HS6ST3: variants seen among roughly 807,000 people sequenced by gnomAD.
The protein encoded by HS6ST3 is heparan-sulfate 6-O-sulfotransferase 3.
In HS6ST3, 12 loss-of-function variants were observed where a neutral mutation model predicts 36.7. The ratio of observed to expected loss-of-function variants is 0.33; its 90% CI spans 0.21 to 0.53. HS6ST3 has a LOEUF of 0.53. Among genes scored for constraint, HS6ST3 ranks in the 20% least tolerant of loss-of-function variants. HS6ST3 has a pLI of 0.95. For synonymous variants in HS6ST3, 240 were observed against 257.5 expected, an observed-to-expected ratio of 0.93 and a Z score of 0.65; for missense variants, 584 against 640.9, an observed-to-expected ratio of 0.91 and a Z score of 0.96.
At chr13:96,400,606 C>T (rs2055446342) in intron 1 of HS6ST3, among the ~76,000 whole-genome samples, 3 of 151,864 alleles carry the variant, frequency 2.0e-5, no homozygotes, top group African/African-American at 2.4e-5. Context: ...TGAACAGGAG[C>T]ATATCAGAAG....
At chr13:96,396,248 A>T (rs547869506) in intron 1 of HS6ST3, among the ~76,000 whole-genome samples, 1 of 151,896 alleles carries the variant, frequency 6.6e-6, no homozygotes, top group South Asian at 2.1e-4. Flanking sequence ...CAGGAGGCAG[A>T]GATTACAGTG....
intron 1 of HS6ST3, among the ~76,000 whole-genome samples, chr13:96,671,489 G>T (rs1245158614): frequency 6.6e-6 from 1 of 152,096 alleles, no homozygotes; most frequent in Non-Finnish European, 1.5e-5. Context: ...ATGTGCTAGG[G>T]CTACTGTAAC....
At chr13:96,148,755 C>G (rs1291490860) in intron 1 of HS6ST3, among the ~76,000 whole-genome samples, 2 of 152,072 alleles carry the variant, frequency 1.3e-5, no homozygotes, top group Non-Finnish European at 2.9e-5. Flanking sequence ...CAGGATGAAA[C>G]CCAGGTAGCT....
At chr13:96,332,158 G>T (rs1025481455) in intron 1 of HS6ST3, among the ~76,000 whole-genome samples, 1 of 152,302 alleles carries the variant, frequency 6.6e-6, no homozygotes, top group Middle Eastern at 3.4e-3. Context: ...CGCTCGTGCT[G>T]GGAGCTGTAG....
chr13:96,397,336 T>C (rs1405729160), intron 1 of HS6ST3, among the ~76,000 whole-genome samples: 2 of 152,226 alleles, frequency 1.3e-5, no homozygotes, highest in South Asian at 2.1e-4. Context: ...TGTAATGTTA[T>C]TACTATATTA....
intron 1 of HS6ST3, among the ~76,000 whole-genome samples, chr13:96,683,512 T>G (rs1220758985): frequency 6.6e-6 from 1 of 152,066 alleles, no homozygotes; most frequent in Non-Finnish European, 1.5e-5. Context: ...CATTTATAAT[T>G]TATTTATTTT....
intron 1 of HS6ST3, among the ~76,000 whole-genome samples, chr13:96,478,834 G>A (rs2055876382): frequency 1.3e-5 from 2 of 152,122 alleles, no homozygotes; most frequent in Admixed American, 6.6e-5. Flanking sequence ...GCTTGCCTAG[G>A]GTCACAAAGT....
chr13:96,414,460 C>G (rs1365796308), intron 1 of HS6ST3, among the ~76,000 whole-genome samples: 2 of 152,036 alleles, frequency 1.3e-5, no homozygotes, highest in Non-Finnish European at 2.9e-5. Flanking sequence ...AACTTCAACC[C>G]AAATTTCTTG....
chr13:96,316,585 A>G (rs2054971274), intron 1 of HS6ST3, among the ~76,000 whole-genome samples: 1 of 152,164 alleles, frequency 6.6e-6, no homozygotes, highest in African/African-American at 2.4e-5. Context: ...ACTATTCTGA[A>G]GTTACCATTT....
chr13:96,675,292 G>T (rs1380931016), intron 1 of HS6ST3, among the ~76,000 whole-genome samples: 1 of 151,876 alleles, frequency 6.6e-6, no homozygotes, highest in African/African-American at 2.4e-5. Context: ...TTCTGATTTT[G>T]AGATGAATAT....
chr13:96,709,820 G>A (rs1875518151), intron 1 of HS6ST3, among the ~76,000 whole-genome samples: 1 of 152,150 alleles, frequency 6.6e-6, no homozygotes, highest in Non-Finnish European at 1.5e-5. Flanking sequence ...ATGTCAAATA[G>A]ATTGCTCAAG....
chr13:96,750,314 G>A (rs1876668538), intron 1 of HS6ST3, among the ~76,000 whole-genome samples: 1 of 152,222 alleles, frequency 6.6e-6, no homozygotes. Flanking sequence ...GGGATTGTAA[G>A]AAACGTGATA....
At chr13:96,138,020 A>C (rs1422884023) in intron 1 of HS6ST3, among the ~76,000 whole-genome samples, 1 of 152,328 alleles carries the variant, frequency 6.6e-6, no homozygotes, top group Non-Finnish European at 1.5e-5. Context: ...TAATGATAGC[A>C]ATTAACAGTT....
intron 1 of HS6ST3, among the ~76,000 whole-genome samples, chr13:96,401,825 C>T (rs1257986326): frequency 1.3e-5 from 2 of 152,160 alleles, no homozygotes; most frequent in South Asian, 2.1e-4. Context: ...CAGCCTGCCC[C>T]GGCCTCCCAA....
intron 1 of HS6ST3, among the ~76,000 whole-genome samples, chr13:96,276,528 TATAA>T (rs947693379): frequency 6.6e-6 from 1 of 152,220 alleles, no homozygotes; most frequent in Non-Finnish European, 1.5e-5. Flanking sequence ...AGAGGACCAG[TATAA>T]ATAGTCACCT....
At chr13:96,230,487 G>T (rs1371370182) in intron 1 of HS6ST3, among the ~76,000 whole-genome samples, 1 of 152,140 alleles carries the variant, frequency 6.6e-6, no homozygotes, top group Non-Finnish European at 1.5e-5. Flanking sequence ...TGAAATATGG[G>T]TCTGGAGATG....
chr13:96,589,430 T>C (rs2056374833), intron 1 of HS6ST3, among the ~76,000 whole-genome samples: 1 of 152,112 alleles, frequency 6.6e-6, no homozygotes, highest in Non-Finnish European at 1.5e-5. Context: ...CTTTCTGTTG[T>C]CTTATTACAG....
intron 1 of HS6ST3, among the ~76,000 whole-genome samples, chr13:96,322,971 A>G (rs571873258): frequency 1.3e-5 from 2 of 152,118 alleles, no homozygotes; most frequent in Non-Finnish European, 2.9e-5. Flanking sequence ...CCTACCTCAC[A>G]GGTGATTCTC....
chr13:96,278,233 G>T (rs924113308), intron 1 of HS6ST3, among the ~76,000 whole-genome samples: 5 of 152,100 alleles, frequency 3.3e-5, no homozygotes, highest in African/African-American at 9.7e-5. Flanking sequence ...ACATACAAGC[G>T]CTTTTTGGGA....
Sources: allele counts gnomAD v4.1 joint callset (sites outside exome capture counted in the v4.1 genomes callset), GRCh38; gene constraint gnomAD v4.1.1; transcripts MANE v1.5; gene names NCBI Gene and HGNC (gene_info 2026-07-23, HGNC 2026-07-21).